The following CTNNA2 variants were observed in gnomAD, a reference collection of about 807,000 sequenced individuals.
CTNNA2 encodes the protein catenin alpha 2.
Under a neutral mutation model 101.0 loss-of-function variants are expected in CTNNA2, and 42 were observed. The ratio of observed to expected loss-of-function variants is 0.42; its 90% CI spans 0.32 to 0.54. The LOEUF is 0.54. Ranked by LOEUF, CTNNA2 falls within the 20% of genes least tolerant of loss-of-function variation. The pLI is 0.14. For synonymous variants in CTNNA2, 450 were observed against 456.4 expected (o/e 0.99, Z 0.18); for missense variants, 871 against 1,223.1 (o/e 0.71, Z 4.29).
intron 9 of CTNNA2, 87 bp from the exon 10 acceptor site, chr2:80,544,895 C>T: frequency 1.9e-6 from 2 of 1,079,134 alleles, no homozygotes; most frequent in Non-Finnish European, 2.7e-6. Flanking sequence ...CTGGAAGAGA[C>T]ATCTGCCAGA....
chr2:80,302,611 G>T lies in CTNNA2; in HGVS notation c.1057-90600G>T, dbSNP rs772304473. ...CCACGGTGGCAGGCTCGAATGTGCC[G>T]TCGTGCTGCCCCTCCCCGCCGTCCG... On this transcript the variant is annotated intron_variant, in intron 7 of 18. Coordinates refer to ENST00000402739, the MANE Select transcript of CTNNA2 (RefSeq NM_001282597.3). The surrounding 1 kb of genome is among the most constrained non-coding windows in gnomAD (Gnocchi z 6.4). The T allele has an allele frequency of 1.2e-6, 2 of 1,605,750 alleles. No individual in the cohort carries two copies. Among genetic ancestry groups the T allele is most frequent in the Non-Finnish European group, 1.7e-6 (2 of 1,178,548 alleles).
intron 3 of CTNNA2, among the ~76,000 whole-genome samples, chr2:79,371,078 C>G (rs1336079003): frequency 2.6e-5 from 4 of 151,982 alleles, no homozygotes; most frequent in Middle Eastern, 3.2e-3. Flanking sequence ...TTGGAAAATC[C>G]ACACTCCCCT....
At chr2:79,877,515 A>G (rs950056377) in intron 6 of CTNNA2, among the ~76,000 whole-genome samples, 3 of 152,162 alleles carry the variant, frequency 2.0e-5, no homozygotes, top group Non-Finnish European at 1.5e-5. Flanking sequence ...TTTCTGTTCC[A>G]TAGTTGTATG....
chr2:79,471,417 C>T (rs1670997492), intron 4 of CTNNA2, among the ~76,000 whole-genome samples: 1 of 152,142 alleles, frequency 6.6e-6, no homozygotes, highest in African/African-American at 2.4e-5. Context: ...CCAACTTCTC[C>T]TTATATCCTC....
rs114330862 is a variant in CTNNA2 at position 80,050,419 on chromosome 2, G to C, written c.1056+140622G>C. Among the ~76,000 whole-genome samples the C allele has an allele frequency of 4.7e-3, 708 of 152,254 alleles. 7 individuals carry two copies. Among genetic ancestry groups the C allele is most frequent in the African/African-American group, 0.016 (663 of 41,550 alleles). On this transcript the variant is annotated intron_variant, in intron 7 of 18. Transcript: ENST00000402739. Reference sequence around the variant, plus strand: ...GACCGGTAAATCACAGACATATGTGGCTAATCATTTTCCCCTTGCAGTGTA... The same window carrying C: ...GACCGGTAAATCACAGACATATGTGCCTAATCATTTTCCCCTTGCAGTGTA...
intron 7 of CTNNA2, among the ~76,000 whole-genome samples, chr2:80,389,165 T>C (rs1311406870): frequency 6.6e-6 from 1 of 152,218 alleles, no homozygotes; most frequent in Non-Finnish European, 1.5e-5. Flanking sequence ...TTCTTTCATT[T>C]TTTTTCCACA....
chr2:79,869,780 A>C, intron 4 of CTNNA2, 36 bp from the exon 5 acceptor site: 1 of 1,598,160 alleles, frequency 6.3e-7, no homozygotes, highest in South Asian at 1.1e-5. Context: ...TTTAAATACT[A>C]TCCACTAATA....
At chr2:80,612,945 C>A (rs1698582750) in intron 17 of CTNNA2, 1 of 151,446 alleles carries the variant, frequency 6.6e-6, no homozygotes, top group Admixed American at 6.6e-5. Context: ...TCCAGACCTT[C>A]CGTGCTTAAA....
intron 3 of CTNNA2, among the ~76,000 whole-genome samples, chr2:79,812,019 A>G (rs1206400579): frequency 1.3e-5 from 2 of 152,194 alleles, no homozygotes; most frequent in Non-Finnish European, 2.9e-5. Context: ...CCAATTGTTT[A>G]CTGATTCTAT....
chr2:80,624,349 AT>A (rs139297989), intron 18 of CTNNA2, among the ~76,000 whole-genome samples: 1 of 152,116 alleles, frequency 6.6e-6, no homozygotes, highest in African/African-American at 2.4e-5. Context: ...TTAATTATGT[AT>A]GTTTAAATCA....
rs17018709 is a variant in CTNNA2, at chr2:80,151,539, A to G, written c.1057-241672A>G. ...AATGGCACCCCACACATTTCTTCCCAGATTGCTCTGAGCATCCCCTAGTGT... is the reference window on the plus strand; with the variant it reads ...AATGGCACCCCACACATTTCTTCCCGGATTGCTCTGAGCATCCCCTAGTGT... On this transcript the variant is annotated intron_variant, in intron 7 of 18. Transcript: ENST00000402739. Among the ~76,000 whole-genome samples, 576 of 152,332 alleles carry G rather than the reference A, an allele frequency of 3.8e-3. 3 individuals are homozygous for G. Among genetic ancestry groups the G allele is most frequent in the African/African-American group, 0.013 (525 of 41,576 alleles).
In CTNNA2 at chr2:80,348,715, C is replaced by G. The variant is rs975186074; in HGVS notation, c.1057-44496C>G. 3.3e-5 allele frequency among the ~76,000 whole-genome samples: 5 copies of G among 151,804 alleles called. No individual in the cohort carries two copies. In the South Asian group the frequency reaches 1.0e-3, roughly 31 times the overall value. On this transcript the variant is annotated intron_variant, in intron 7 of 18. Coordinates refer to ENST00000402739, the MANE Select transcript of CTNNA2 (RefSeq NM_001282597.3). ...ATTTTGTGTAAGACATTCCACCAACCATCACTGAGTAAACGTAGTATATGC... is the reference window on the plus strand; with the variant it reads ...ATTTTGTGTAAGACATTCCACCAACGATCACTGAGTAAACGTAGTATATGC...
chr2:79,286,565 A>C (rs563992372), intron 2 of CTNNA2, among the ~76,000 whole-genome samples: 2 of 152,068 alleles, frequency 1.3e-5, no homozygotes, highest in Non-Finnish European at 2.9e-5. Flanking sequence ...TTTCTTTAAG[A>C]ATGTTGAATA....
chr2:79,670,447 G>A (rs1378413210), intron 2 of CTNNA2, among the ~76,000 whole-genome samples: 4 of 152,174 alleles, frequency 2.6e-5, no homozygotes, highest in Admixed American at 1.3e-4. Context: ...GGGAGCTCCC[G>A]TCCGGACTCA....
chr2:79,829,693 CTTATTTATTTATTTATTTATTTAT>C (rs144686881), intron 3 of CTNNA2, among the ~76,000 whole-genome samples: 2 of 144,530 alleles, frequency 1.4e-5, no homozygotes, highest in African/African-American at 2.5e-5. Context: ...CTTTTTCTTT[CTTATTTATTTATTTATTTATTTAT>C]TTATTTATTT....
At chr2:80,626,127 TAA>T (rs898897107) in intron 18 of CTNNA2, among the ~76,000 whole-genome samples, 3 of 150,850 alleles carry the variant, frequency 2.0e-5, no homozygotes, top group African/African-American at 4.9e-5. Flanking sequence ...TATTTTAACT[TAA>T]GTCTACTAAA....
chr2:80,471,023 A>G (rs887762430), intron 9 of CTNNA2, among the ~76,000 whole-genome samples: 2 of 152,158 alleles, frequency 1.3e-5, no homozygotes, highest in Non-Finnish European at 2.9e-5. Context: ...GGTGGGACAT[A>G]ACTTGGAGTG....
At chr2:80,180,688 G>A (rs901089639) in intron 7 of CTNNA2, among the ~76,000 whole-genome samples, 2 of 152,150 alleles carry the variant, frequency 1.3e-5, no homozygotes, top group African/African-American at 2.4e-5. Context: ...ATTTTGCAAA[G>A]TATTGTTAAA....
intron 3 of CTNNA2, among the ~76,000 whole-genome samples, chr2:79,832,012 A>G (rs1678968314): frequency 6.6e-6 from 1 of 151,856 alleles, no homozygotes; most frequent in Admixed American, 6.6e-5. Flanking sequence ...TCTTTAAAGC[A>G]TTTTTCTCTC....
Sources: allele counts gnomAD v4.1 joint callset (sites outside exome capture counted in the v4.1 genomes callset), GRCh38; gene constraint gnomAD v4.1.1; non-coding constraint Gnocchi (gnomAD v3.1); transcripts MANE v1.5; gene names NCBI Gene and HGNC (gene_info 2026-07-23, HGNC 2026-07-21).